Variants in CNTN5 observed in about 807,000 individuals in gnomAD.
The protein encoded by CNTN5 is contactin 5.
In CNTN5, 77 loss-of-function variants were observed where a neutral mutation model predicts 129.1. The ratio of observed to expected loss-of-function variants is 0.60; its 90% CI spans 0.50 to 0.72. The LOEUF (loss-of-function observed/expected upper bound fraction) is 0.72, where lower values mean the gene tolerates loss of function less well. CNTN5 is among the 30% of genes least tolerant of loss of function. The pLI is 0.00. For synonymous variants in CNTN5, 509 were observed against 465.6 expected (o/e 1.09, Z -1.20); for missense variants, 1,478 against 1,328.8 (o/e 1.11, Z -1.75).
chr11:99,801,610 T>C (rs778751178), intron 3 of CNTN5, among the ~76,000 whole-genome samples: 1 of 145,056 alleles, frequency 6.9e-6, no homozygotes, highest in Non-Finnish European at 1.5e-5. Context: ...TCCATATTTC[T>C]TGACAACTTT....
rs535326677 is a variant in CNTN5 at position 100,002,055 on chromosome 11, C to T, written c.899C>T (p.Pro300Leu). ...RNDGVMGEYE[P>L]KIEVHFPFTV... ...TAAGGTGTGATGGGAGAATATGAGCCGAAAATTGAGGTCCATTTTCCTTTC... is the reference window on the plus strand; with the variant it reads ...TAAGGTGTGATGGGAGAATATGAGCTGAAAATTGAGGTCCATTTTCCTTTC... The change falls in exon 9 of 25, where the codon CCG becomes CTG. Residue 300 changes from proline (P) to leucine (L), a missense_variant. Physicochemically the swap from Pro to Leu is moderately conservative, Grantham distance 98. Transcript: ENST00000524871. 15 of 1,596,088 alleles carry T rather than the reference C, an allele frequency of 9.4e-6. No homozygotes were observed. In the African/African-American group the frequency reaches 1.5e-4, roughly 16 times the overall value.
chr11:99,841,666 T>C, intron 4 of CNTN5, among the ~76,000 whole-genome samples: 1 of 149,902 alleles, frequency 6.7e-6, no homozygotes, highest in South Asian at 2.1e-4. Flanking sequence ...AGAAGGAGAA[T>C]GAAGAAGGAG....
chr11:99,576,963 C>T (rs1949375757), intron 3 of CNTN5, among the ~76,000 whole-genome samples: 1 of 152,106 alleles, frequency 6.6e-6, no homozygotes, highest in Non-Finnish European at 1.5e-5. Context: ...GACCACAGCA[C>T]AAATCTTTGG....
At chr11:99,987,690 G>A (rs1275399257) in intron 8 of CNTN5, among the ~76,000 whole-genome samples, 1 of 151,928 alleles carries the variant, frequency 6.6e-6, no homozygotes, top group Non-Finnish European at 1.5e-5. Flanking sequence ...TTGGGAATGG[G>A]TAAATAAATT....
intron 1 of CNTN5, among the ~76,000 whole-genome samples, chr11:99,293,798 T>A (rs1864271216): frequency 6.6e-6 from 1 of 152,042 alleles, no homozygotes; most frequent in Admixed American, 6.5e-5. Flanking sequence ...TTTATTTGGG[T>A]CTTCTTCCTT....
At chr11:100,027,084 A>G (rs766290603) in intron 9 of CNTN5, among the ~76,000 whole-genome samples, 3 of 152,110 alleles carry the variant, frequency 2.0e-5, no homozygotes, top group Non-Finnish European at 4.4e-5. Context: ...TTTTGAACAC[A>G]TGAAATGTAG....
chr11:99,997,379 C>G (rs2137446226), intron 8 of CNTN5, among the ~76,000 whole-genome samples: 1 of 152,212 alleles, frequency 6.6e-6, no homozygotes, highest in South Asian at 2.1e-4. Context: ...ACAAACACCT[C>G]TATGCAAATA....
chr11:100,009,858 TAGA>T (rs1940419543), intron 9 of CNTN5, among the ~76,000 whole-genome samples: 2 of 152,100 alleles, frequency 1.3e-5, no homozygotes, highest in Admixed American at 6.6e-5. Flanking sequence ...ATATTAAGAG[TAGA>T]AGGATAGAAT....
At chr11:99,437,524 T>C (rs1943647089) in intron 2 of CNTN5, among the ~76,000 whole-genome samples, 1 of 152,196 alleles carries the variant, frequency 6.6e-6, no homozygotes, top group African/African-American at 2.4e-5. Context: ...AGTCATAAAA[T>C]ATATTAAAAG....
intron 1 of CNTN5, among the ~76,000 whole-genome samples, chr11:99,130,707 G>A: frequency 8.8e-6 from 1 of 114,096 alleles, no homozygotes; most frequent in Non-Finnish European, 1.9e-5. Context: ...TCACATAATT[G>A]GAAGTAAAAC....
intron 6 of CNTN5, among the ~76,000 whole-genome samples, chr11:99,861,429 C>CA (rs1406169104): frequency 1.3e-5 from 2 of 152,286 alleles, no homozygotes; most frequent in African/African-American, 4.8e-5. Context: ...AACTTAAGCA[C>CA]ACTGATTATG....
intron 3 of CNTN5, among the ~76,000 whole-genome samples, chr11:99,680,096 C>T (rs1489792427): frequency 2.6e-5 from 4 of 152,076 alleles, no homozygotes; most frequent in East Asian, 1.9e-4. Context: ...AAGAAAAAAG[C>T]CATCTTCAAA....
At chr11:100,329,498 A>G (rs1300156333) in intron 21 of CNTN5, among the ~76,000 whole-genome samples, 2 of 152,224 alleles carry the variant, frequency 1.3e-5, no homozygotes, top group East Asian at 1.9e-4. Context: ...AAGTGCCACC[A>G]CTTGGCTGGA....
At chr11:99,858,585 G>A (rs12796025) in intron 6 of CNTN5, among the ~76,000 whole-genome samples, 151,338 of 151,338 alleles carry the variant, frequency 1, 75,669 homozygotes, top group Non-Finnish European at 1. Flanking sequence ...ACCCTCATGA[G>A]AAATAGAATA....
chr11:99,290,275 T>C (rs190741739), intron 1 of CNTN5, among the ~76,000 whole-genome samples: 1 of 151,956 alleles, frequency 6.6e-6, no homozygotes, highest in Non-Finnish European at 1.5e-5. Flanking sequence ...ATTTTGTAAA[T>C]AGCAGAAATT....
At chr11:99,870,121 A>C in intron 6 of CNTN5, among the ~76,000 whole-genome samples, 1 of 152,308 alleles carries the variant, frequency 6.6e-6, no homozygotes, top group South Asian at 2.1e-4. Flanking sequence ...TGCTGTGCCT[A>C]TATTTGGAAA....
At chr11:99,814,618 G>A (rs950012664) in intron 3 of CNTN5, among the ~76,000 whole-genome samples, 1 of 152,104 alleles carries the variant, frequency 6.6e-6, no homozygotes, top group Admixed American at 6.6e-5. Flanking sequence ...GCCTGAAGGT[G>A]CATTGAAGGA....
intron 2 of CNTN5, among the ~76,000 whole-genome samples, chr11:99,529,850 A>G (rs190349712): frequency 2.0e-5 from 3 of 152,326 alleles, no homozygotes; most frequent in Non-Finnish European, 4.4e-5. Context: ...GAAAAGAAAA[A>G]ATATGAGAAT....
intron 3 of CNTN5, among the ~76,000 whole-genome samples, chr11:99,779,137 C>A (rs1461132509): frequency 6.6e-6 from 1 of 151,756 alleles, no homozygotes; most frequent in African/African-American, 2.4e-5. Context: ...ACTTTATAAA[C>A]ATTTGCATAT....
Sources: allele counts gnomAD v4.1 joint callset (sites outside exome capture counted in the v4.1 genomes callset), GRCh38; gene constraint gnomAD v4.1.1; transcripts MANE v1.5; gene names NCBI Gene and HGNC (gene_info 2026-07-23, HGNC 2026-07-21).